CNTLN: variants seen among roughly 807,000 people sequenced by gnomAD.
CNTLN encodes centlein, centrosomal protein.
In CNTLN, 212 loss-of-function variants were observed where a neutral mutation model predicts 180.0. The ratio of observed to expected loss-of-function variants is 1.18; its 90% CI spans 1.05 to 1.32. The LOEUF is 1.32. Ranked by LOEUF, CNTLN falls within the 40% of genes most tolerant of loss-of-function variation. CNTLN has a pLI of 0.00. For missense variants in CNTLN, 2,095 were observed against 1,610.9 expected (o/e 1.30, Z -5.14); for synonymous variants, 722 against 563.1 (o/e 1.28, Z -3.99).
the CNTLN span, among the ~76,000 whole-genome samples, chr9:17,519,273 C>T: frequency 1.2e-4 from 18 of 148,412 alleles, no homozygotes; most frequent in African/African-American, 4.6e-4. Flanking sequence ...CAAAGAAAAA[C>T]GTATCCCTTC....
At chr9:17,511,971 A>G in the CNTLN span, among the ~76,000 whole-genome samples, 1 of 152,158 alleles carries the variant, frequency 6.6e-6, no homozygotes, top group Non-Finnish European at 1.5e-5. Flanking sequence ...ATATACATAA[A>G]AAGAACCCTG....
chr9:17,288,760 A>G (rs1366381770), intron 6 of CNTLN, among the ~76,000 whole-genome samples: 2 of 137,200 alleles, frequency 1.5e-5, no homozygotes, highest in Non-Finnish European at 3.1e-5. Context: ...ACCATTATGT[A>G]ATGGCCTTCT....
At chr9:17,434,969 T>A (rs1415436571) in intron 18 of CNTLN, among the ~76,000 whole-genome samples, 1 of 152,202 alleles carries the variant, frequency 6.6e-6, no homozygotes, top group Non-Finnish European at 1.5e-5. Flanking sequence ...TCTGGCTACT[T>A]TCAAGATTTT....
intron 2 of CNTLN, among the ~76,000 whole-genome samples, chr9:17,218,203 A>G (rs1336165278): frequency 2.0e-5 from 3 of 152,186 alleles, no homozygotes; most frequent in Non-Finnish European, 4.4e-5. Context: ...TAAATTCTGG[A>G]TTATACAATA....
chr9:17,268,675 G>A (rs1201808210), intron 5 of CNTLN, among the ~76,000 whole-genome samples: 1 of 152,174 alleles, frequency 6.6e-6, no homozygotes, highest in African/African-American at 2.4e-5. Flanking sequence ...TCCTTGAGCT[G>A]TGGTTGGGCT....
intron 8 of CNTLN, among the ~76,000 whole-genome samples, chr9:17,311,004 A>T (rs1444061391): frequency 2.6e-5 from 4 of 151,932 alleles, no homozygotes; most frequent in African/African-American, 9.7e-5. Flanking sequence ...TCAAGGTGTC[A>T]TTTGATGAAC....
chr9:17,325,634 T>C (rs1277597761), intron 8 of CNTLN, among the ~76,000 whole-genome samples: 1 of 151,900 alleles, frequency 6.6e-6, no homozygotes, highest in Non-Finnish European at 1.5e-5. Context: ...TAAGAAAAAG[T>C]ATTTCTTTTG....
intron 7 of CNTLN, among the ~76,000 whole-genome samples, chr9:17,306,237 C>G (rs897581748): frequency 4.1e-4 from 62 of 150,448 alleles, no homozygotes; most frequent in Admixed American, 3.1e-3. Context: ...GCAACCTCTG[C>G]CTCCTGGGTT....
At chr9:17,427,237 C>G (rs1444112133) in intron 18 of CNTLN, among the ~76,000 whole-genome samples, 1 of 151,366 alleles carries the variant, frequency 6.6e-6, no homozygotes, top group Non-Finnish European at 1.5e-5. Context: ...CTGCTGCTGG[C>G]TGCTCTCTAT....
chr9:17,208,428 T>G (rs897925713), intron 2 of CNTLN, among the ~76,000 whole-genome samples: 7 of 152,230 alleles, frequency 4.6e-5, no homozygotes, highest in African/African-American at 1.4e-4. Context: ...GGCCAGTGGT[T>G]TCCTTTATTT....
At chr9:17,346,161 C>T (rs912388684) in intron 12 of CNTLN, among the ~76,000 whole-genome samples, 68 of 152,190 alleles carry the variant, frequency 4.5e-4, no homozygotes, top group African/African-American at 1.1e-3. Flanking sequence ...GGACCTTTTT[C>T]GCATGGTGGC....
In CNTLN at chr9:17,399,417, G is replaced by A. The variant is rs553277503; in HGVS notation, c.2615+4348G>A. 2.0e-5 allele frequency among the ~76,000 whole-genome samples: 3 copies of A among 152,214 alleles called. No individual in the cohort carries two copies. The South Asian group carries it at 6.2e-4, about 32-fold the overall frequency. On this transcript the variant is annotated intron_variant, in intron 15 of 25. Transcript: ENST00000380647. Reference sequence around the variant, plus strand: ...TCTCAAACACAACATAAACTTCCATGATTCTATGTATTTAGCCTGTCTGAC... The same window carrying A: ...TCTCAAACACAACATAAACTTCCATAATTCTATGTATTTAGCCTGTCTGAC...
chr9:17,440,567 C>T (rs140158602), intron 18 of CNTLN, among the ~76,000 whole-genome samples: 5,775 of 138,718 alleles, frequency 0.042, 364 homozygotes, highest in African/African-American at 0.15. Context: ...CCAGCCTGGG[C>T]GACGGAGCGA....
chr9:17,352,622 T>A (rs1007428380), intron 12 of CNTLN, among the ~76,000 whole-genome samples: 3 of 152,114 alleles, frequency 2.0e-5, no homozygotes, highest in African/African-American at 7.2e-5. Context: ...GCATTCACAG[T>A]GTTGTTTAGC....
chr9:17,266,196 C>T (rs1181535008), intron 5 of CNTLN, among the ~76,000 whole-genome samples: 3 of 152,074 alleles, frequency 2.0e-5, no homozygotes, highest in African/African-American at 7.2e-5. Flanking sequence ...TTTCCTTCTA[C>T]ACACTGCTTT....
At chr9:17,188,421 G>C (rs908638982) in intron 2 of CNTLN, among the ~76,000 whole-genome samples, 1 of 152,046 alleles carries the variant, frequency 6.6e-6, no homozygotes, top group Non-Finnish European at 1.5e-5. Flanking sequence ...AACATCTGTA[G>C]ACCATAAAAA....
intron 3 of CNTLN, among the ~76,000 whole-genome samples, chr9:17,231,979 T>C (rs1824844206): frequency 6.6e-6 from 1 of 152,138 alleles, no homozygotes; most frequent in Non-Finnish European, 1.5e-5. Context: ...TATTGCTTTA[T>C]GGTTCCTCTG....
At chr9:17,431,912 A>G (rs1290142248) in intron 18 of CNTLN, among the ~76,000 whole-genome samples, 4 of 152,210 alleles carry the variant, frequency 2.6e-5, no homozygotes, top group South Asian at 2.1e-4. Flanking sequence ...ACTAGGAAGC[A>G]TCTTATTAAA....
At chr9:17,316,888 A>G (rs1022284140) in intron 8 of CNTLN, among the ~76,000 whole-genome samples, 6 of 152,274 alleles carry the variant, frequency 3.9e-5, no homozygotes, top group African/African-American at 9.6e-5. Context: ...CTTAATGTCA[A>G]TACATAACAT....
Sources: gnomAD v4.1 joint callset for allele counts (sites outside exome capture counted in the v4.1 genomes callset) on GRCh38, gnomAD v4.1.1 for gene constraint, MANE v1.5 for transcripts, NCBI Gene and HGNC (gene_info 2026-07-23, HGNC 2026-07-21) for gene names.